Variants in MYH14 observed in about 807,000 individuals in gnomAD.
The protein encoded by MYH14 is myosin heavy chain 14, also known as myosin-14.
In MYH14, 123 loss-of-function variants were observed where a neutral mutation model predicts 255.5. The ratio of observed to expected loss-of-function variants is 0.48; its 90% confidence interval spans 0.42 to 0.56. The LOEUF (loss-of-function observed/expected upper bound fraction) is 0.56, where lower values mean the gene tolerates loss of function less well. MYH14 is among the 20% of genes least tolerant of loss of function. The pLI is 0.00. For missense variants in MYH14, 2,423 were observed against 2,802.3 expected, an observed-to-expected ratio of 0.86 and a Z score of 3.06; for synonymous variants, 1,095 against 1,161.2, an observed-to-expected ratio of 0.94 and a Z score of 1.16.
intron 35 of MYH14, among the ~76,000 whole-genome samples, chr19:50,290,280 CCAGT>C (rs1353753827): frequency 6.6e-6 from 1 of 152,062 alleles, no homozygotes; most frequent in East Asian, 1.9e-4. Flanking sequence ...CTTCCCCAAT[CCAGT>C]CAGTCATCGC....
At chr19:50,242,835 T>G (rs1044489438) in intron 10 of MYH14, among the ~76,000 whole-genome samples, 8 of 152,238 alleles carry the variant, frequency 5.3e-5, no homozygotes, top group African/African-American at 1.9e-4. Context: ...AGGGGTGGTG[T>G]TCTGCCTTCT....
intron 1 of MYH14, among the ~76,000 whole-genome samples, chr19:50,208,684 G>T (rs10403890): frequency 0.045 from 6,915 of 152,118 alleles, 244 homozygotes; most frequent in African/African-American, 0.099. Context: ...AAGTAAAAAA[G>T]GAACGGGTAA....
intron 15 of MYH14, among the ~76,000 whole-genome samples, chr19:50,251,521 T>TATATATATACACACTAC (rs2034387100): frequency 1.4e-5 from 1 of 72,596 alleles, no homozygotes; most frequent in Non-Finnish European, 3.4e-5. Context: ...ATATACACAC[T>TATATATATACACACTAC]ACACACACAC....
chr19:50,220,869 T>C (rs1203203940), intron 3 of MYH14, among the ~76,000 whole-genome samples: 1 of 152,188 alleles, frequency 6.6e-6, no homozygotes, highest in East Asian at 1.9e-4. Context: ...GCTTATTTAA[T>C]ATGCATATTA....
chr19:50,290,386 T>C (rs1326085817), intron 35 of MYH14, among the ~76,000 whole-genome samples: 2 of 152,156 alleles, frequency 1.3e-5, no homozygotes, highest in Non-Finnish European at 2.9e-5. Flanking sequence ...ATGTCTCCCC[T>C]CTACTAGGTG....
intron 35 of MYH14, among the ~76,000 whole-genome samples, chr19:50,290,504 T>C (rs1601036127): frequency 6.6e-6 from 1 of 151,398 alleles, no homozygotes; most frequent in Non-Finnish European, 1.5e-5. Context: ...GGAAGAGAGG[T>C]GAACAGGTGA....
intron 24 of MYH14, 103 bp from the exon 25 acceptor site, chr19:50,271,306 A>T (rs1392008000): frequency 1.6e-6 from 2 of 1,273,854 alleles, no homozygotes; most frequent in African/African-American, 3.0e-5. Context: ...TCTGAACCAC[A>T]AGCCGCGGGG....
Position 50,252,229 on chromosome 19 carries a change from A to G in MYH14, c.1831-410A>G, listed in dbSNP as rs1439629598. On this transcript the variant is annotated intron_variant, in intron 15 of 42. Transcript: ENST00000642316. This position sits in a 1 kb window ranked among gnomAD's most constrained non-coding sequence, Gnocchi z 4.2. ...TTGTAGCGGCCAAGATCGTGACTCT[A>G]TGGAGCCCCACAGCAAAGCCCTGAG... Among the ~76,000 whole-genome samples the G allele has an allele frequency of 2.0e-5, 3 of 152,074 alleles. No homozygotes were observed. Among genetic ancestry groups the G allele is most frequent in the South Asian group, 2.1e-4 (1 of 4,810 alleles).
At chr19:50,277,990 G>A in intron 29 of MYH14, 93 bp from the exon 30 acceptor site, 1 of 934,826 alleles carries the variant, frequency 1.1e-6, no homozygotes, top group Non-Finnish European at 1.5e-6. Context: ...CAGGCAGAGG[G>A]AACAGCCAGT....
intron 3 of MYH14, among the ~76,000 whole-genome samples, chr19:50,218,561 G>A (rs1297215905): frequency 6.6e-6 from 1 of 151,866 alleles, no homozygotes; most frequent in Non-Finnish European, 1.5e-5. Context: ...TCGCGCCACT[G>A]CACTCCAGCC....
intron 17 of MYH14, 41 bp from the exon 18 acceptor site, chr19:50,257,258 C>T (rs2034624152): frequency 4.6e-6 from 7 of 1,536,654 alleles, no homozygotes; most frequent in Non-Finnish European, 6.2e-6. Context: ...TAAAACTGAC[C>T]CTGACCTCCT....
rs2035753372 is a variant in MYH14, at chr19:50,282,353, G to A, written c.4539+511G>A. On this transcript the variant is annotated intron_variant, in intron 33 of 42. Coordinates refer to ENST00000642316, the MANE Select transcript of MYH14 (RefSeq NM_001145809.2). ...ATCCCAATTCGGCCTCTTGATGGCT[G>A]TGTGGCTTGGGCAAATTGCTCAACC... is the stretch of plus-strand genomic sequence containing the variant. Among the ~76,000 whole-genome samples, 3 of 152,338 alleles carry A rather than the reference G, an allele frequency of 2.0e-5. No homozygotes were observed. The South Asian group carries it at 6.2e-4, about 32-fold the overall frequency.
chr19:50,261,002 G>A (rs185113245), intron 20 of MYH14, among the ~76,000 whole-genome samples: 87 of 29,970 alleles, frequency 2.9e-3, no homozygotes, highest in African/African-American at 0.011. Flanking sequence ...CCCCACCCCC[G>A]CTTCCTCATC....
At chr19:50,260,798 TATGTGTGCATGCGTGTGTGTGCAA>T in intron 20 of MYH14, 83 bp downstream of exon 20, 1 of 1,029,616 alleles carries the variant, frequency 9.7e-7, no homozygotes, top group Non-Finnish European at 1.5e-6. Context: ...TGTGCATGCA[TATGTGTGCATGCGTGTGTGTGCAA>T]GTGTGTGTGC....
rs1327245175 is a variant in MYH14 at position 50,252,937 on chromosome 19, TTGAC to T, written c.1945+186_1945+189del. On this transcript the variant is annotated intron_variant, in intron 16 of 42. Transcript: ENST00000642316. The surrounding 1 kb of genome is among the most constrained non-coding windows in gnomAD (Gnocchi z 4.2). ...ATGGATGGATCCATAGATTAATTGATTGACTATTGATTTGATTGATAAGCCAGCA... is the reference window on the plus strand; with the variant it reads ...ATGGATGGATCCATAGATTAATTGATTATTGATTTGATTGATAAGCCAGCA... Among the ~76,000 whole-genome samples, 1 of 152,174 alleles carries T rather than the reference TTGAC, an allele frequency of 6.6e-6. No individual in the cohort carries two copies. Among genetic ancestry groups the T allele is most frequent in the Non-Finnish European group, 1.5e-5 (1 of 68,030 alleles).
chr19:50,223,875 A>G (rs1352514025), intron 5 of MYH14, among the ~76,000 whole-genome samples: 1 of 152,140 alleles, frequency 6.6e-6, no homozygotes, highest in African/African-American at 2.4e-5. Flanking sequence ...TGGGAGGCCG[A>G]GGCAGGAGGA....
chr19:50,248,516 C>T (rs186185373), intron 12 of MYH14, among the ~76,000 whole-genome samples: 1 of 152,162 alleles, frequency 6.6e-6, no homozygotes, highest in African/African-American at 2.4e-5. Context: ...TGGATGAAGA[C>T]CCCGTGGGGG....
In MYH14 at chr19:50,278,258, C is replaced by A; in HGVS notation, c.4001C>A (p.Ala1334Glu). ...GRAGDGERAR[A>E]EAAEKLQRAQ... ...GCTGGTGATGGGGAGAGGGCACGAG[C>A]GGAGGCTGCTGAGAAGCTGCAGCGA... The change falls in exon 30 of 43, where the codon GCG becomes GAG. Residue 1334 changes from alanine to glutamate, a missense_variant. Ala to Glu is a moderately radical substitution (Grantham distance 107). Coordinates refer to ENST00000642316, the MANE Select transcript of MYH14 (RefSeq NM_001145809.2). 1 of 1,579,058 alleles carries A rather than the reference C, an allele frequency of 6.3e-7. No individual in the cohort carries two copies. The highest frequency in any genetic ancestry group is 8.6e-7 in the Non-Finnish European group (1 of 1,163,096).
In MYH14 at chr19:50,230,844, C is replaced by G; in HGVS notation, c.973+221C>G. ...TTCCAGCTCTGTCCCGGGTCTGGCTCGCGCCCGCTGTCACGGCCACGCAGC... is the reference window on the plus strand; with the variant it reads ...TTCCAGCTCTGTCCCGGGTCTGGCTGGCGCCCGCTGTCACGGCCACGCAGC... On this transcript the variant is annotated intron_variant, in intron 9 of 42. Coordinates refer to ENST00000642316, the MANE Select transcript of MYH14 (RefSeq NM_001145809.2). The surrounding 1 kb of genome is among the most constrained non-coding windows in gnomAD (Gnocchi z 4.7). The G allele has an allele frequency of 1.9e-6, 1 of 536,134 alleles. No homozygotes were observed. The highest frequency in any genetic ancestry group is 3.3e-6 in the Non-Finnish European group (1 of 299,354). The allele number at this position is 536,134 out of a possible 1,614,324, so 33.2% of individuals were successfully genotyped here. A position where few individuals can be genotyped will look rare whatever the true frequency, so the allele number is the denominator to read the frequency against.
Sources: gnomAD v4.1 joint callset for allele counts (sites outside exome capture counted in the v4.1 genomes callset) on GRCh38, gnomAD v4.1.1 for gene constraint, Gnocchi (gnomAD v3.1) non-coding constraint, MANE v1.5 for transcripts, NCBI Gene and HGNC (gene_info 2026-07-23, HGNC 2026-07-21) for gene names.